CARNMT1: variants seen among roughly 807,000 people sequenced by gnomAD.
The protein encoded by CARNMT1 is protein-L-histidine N-pros-methyltransferase CARNMT1.
Under a neutral mutation model 49.6 loss-of-function variants are expected in CARNMT1, and 28 were observed. The observed-to-expected ratio is 0.56, with a 90% CI of 0.42 to 0.77. The LOEUF is 0.77. Among genes scored for constraint, CARNMT1 ranks in the 30% least tolerant of loss-of-function variants. CARNMT1 has a pLI of 0.00. For missense variants in CARNMT1, 421 were observed against 512.6 expected, an observed-to-expected ratio of 0.82 and a Z score of 1.73; for synonymous variants, 178 against 175.0, an observed-to-expected ratio of 1.02 and a Z score of -0.13.
At position 75,021,225 on chromosome 9, in the gene CARNMT1, T is replaced by C. The variant is rs144480614; in HGVS notation, c.231-3777A>G. The stretch of plus-strand genomic sequence containing the variant: ...CTATATATATACCTACTGTTCAATA[T>C]ACTATATAGAGTATATATACATAGT... On this transcript the variant is annotated intron_variant, in intron 1 of 7. Coordinates refer to ENST00000376834, the MANE Select transcript of CARNMT1 (RefSeq NM_152420.3). 4.8e-5 allele frequency among the ~76,000 whole-genome samples: 7 copies of C among 146,254 alleles called. No individual in the cohort carries two copies. In the East Asian group the frequency reaches 1.4e-3, roughly 29 times the overall value.
At chr9:75,008,487 A>C (rs1338333687) in intron 3 of CARNMT1, among the ~76,000 whole-genome samples, 2 of 152,102 alleles carry the variant, frequency 1.3e-5, no homozygotes, top group Non-Finnish European at 2.9e-5. Context: ...GCACTCCACC[A>C]CGCCCAGCTA....
At chr9:75,024,824 C>T (rs1240346481) in intron 1 of CARNMT1, among the ~76,000 whole-genome samples, 1 of 152,126 alleles carries the variant, frequency 6.6e-6, no homozygotes, top group African/African-American at 2.4e-5. Flanking sequence ...CCTGTGCAGT[C>T]GAAAACCCAC....
chr9:75,016,965 T>A (rs1230287247), intron 2 of CARNMT1: 1 of 413,364 alleles, frequency 2.4e-6, no homozygotes, highest in East Asian at 3.6e-5. Flanking sequence ...GCTAGTAAAG[T>A]TGCTTTTAAA....
At chr9:74,986,140 T>C (rs1186699226) in intron 6 of CARNMT1, among the ~76,000 whole-genome samples, 1 of 152,138 alleles carries the variant, frequency 6.6e-6, no homozygotes, top group East Asian at 1.9e-4. Context: ...TAGACAATCT[T>C]CTCTTTACCT....
chr9:75,016,483 T>TGGTTAAA (rs1564104752), intron 2 of CARNMT1, 52 bp from the exon 3 acceptor site: 2 of 1,574,548 alleles, frequency 1.3e-6, no homozygotes, highest in South Asian at 2.3e-5. Flanking sequence ...TCCACTTATA[T>TGGTTAAA]TATGGTTAAA....
chr9:75,016,299 C>A lies in CARNMT1; in HGVS notation c.559G>T (p.Glu187Ter), dbSNP rs748737629. ...RDACYQPIIK[E>*]ILKNFPKERW... ...TCTTTTGGAAAATTTTTTAAAATTT[C>A]TTTAATGATTGGCTGGTAACAGGCA... The change falls in exon 3 of 8, where the codon GAA becomes TAA. Residue 187 changes from glutamate to a stop codon, truncating the protein, a stop_gained. Coordinates refer to ENST00000376834, the MANE Select transcript of CARNMT1 (RefSeq NM_152420.3). LOFTEE classifies it high-confidence loss of function. 2 of 1,612,610 alleles carry A rather than the reference C, an allele frequency of 1.2e-6. No individual in the cohort carries two copies. Among genetic ancestry groups the A allele is most frequent in the Non-Finnish European group, 8.5e-7 (1 of 1,179,626 alleles).
chr9:75,001,332 T>C (rs1833347958), intron 3 of CARNMT1, among the ~76,000 whole-genome samples: 1 of 152,198 alleles, frequency 6.6e-6, no homozygotes, highest in Non-Finnish European at 1.5e-5. Flanking sequence ...ACAACAATTA[T>C]TTTGCTAACT....
intron 3 of CARNMT1, among the ~76,000 whole-genome samples, chr9:75,012,203 T>G (rs1246432559): frequency 6.6e-6 from 1 of 152,142 alleles, no homozygotes; most frequent in African/African-American, 2.4e-5. Context: ...TGACTGAATA[T>G]CACTTATATC....
chr9:74,989,767 A>C (rs1832959739), intron 6 of CARNMT1, among the ~76,000 whole-genome samples: 1 of 152,214 alleles, frequency 6.6e-6, no homozygotes, highest in Non-Finnish European at 1.5e-5. Context: ...TCTCATGAAC[A>C]ATCCCCAATA....
chr9:75,028,412 C>T, upstream of CARNMT1: 1 of 1,289,038 alleles, frequency 7.8e-7, no homozygotes, highest in South Asian at 2.5e-5. Flanking sequence ...TCCGCCAGGT[C>T]TTCAGGGCTC....
chr9:75,005,455 T>C (rs1410128309), intron 3 of CARNMT1, among the ~76,000 whole-genome samples: 2 of 151,434 alleles, frequency 1.3e-5, no homozygotes, highest in African/African-American at 2.4e-5. Context: ...ATTTTACACA[T>C]ATTTCATTAA....
chr9:75,014,408 G>A (rs1304546959), intron 3 of CARNMT1, among the ~76,000 whole-genome samples: 1 of 152,132 alleles, frequency 6.6e-6, no homozygotes, highest in East Asian at 1.9e-4. Context: ...AGTTGGGACT[G>A]GAATTAAGAG....
At chr9:74,990,169 G>A (rs1356768244) in intron 6 of CARNMT1, among the ~76,000 whole-genome samples, 1 of 152,174 alleles carries the variant, frequency 6.6e-6, no homozygotes, top group Non-Finnish European at 1.5e-5. Flanking sequence ...TTTCACAACT[G>A]ATAAGGTCAA....
intron 1 of CARNMT1, among the ~76,000 whole-genome samples, chr9:75,022,467 G>A (rs1359591741): frequency 6.6e-6 from 1 of 152,086 alleles, no homozygotes; most frequent in African/African-American, 2.4e-5. Flanking sequence ...GAAGTGATCT[G>A]CCAACCTTGG....
chr9:75,016,371 T>A lies in CARNMT1; in HGVS notation c.487A>T (p.Lys163Ter), dbSNP rs1240665763. Residue 163 changes from lysine (K) to a stop codon, truncating the protein, a stop_gained, in exon 3 of 8, where the codon AAA (lysine) becomes TAA (stop). Transcript: ENST00000376834. LOFTEE classifies it high-confidence loss of function. ...TCACTCCAGTCTCTCACAAACTGTT[T>A]CAGCGTGGATTTTAACTTATCCATG... ...FDMDKLKSTL[K>*]QFVRDWSETG... 6.2e-7 allele frequency: 1 copy of A among 1,614,140 alleles called. No individual in the cohort carries two copies. The highest frequency in any genetic ancestry group is 2.2e-5 in the East Asian group (1 of 44,878).
Position 74,983,587 on chromosome 9 carries a change from A to G in CARNMT1, c.*180T>C. 2.1e-6 allele frequency: 1 copy of G among 468,188 alleles called. No homozygotes were observed. Among genetic ancestry groups the G allele is most frequent in the Non-Finnish European group, 3.9e-6 (1 of 258,742 alleles). The allele number at this position is 468,188 out of a possible 1,614,324, so 29.0% of individuals were successfully genotyped here. ...AGTACAAATCTGCATGGCATAGTAT[A>G]TTTCTGAAAAAGCAATAGACATATT... On this transcript the variant is annotated 3_prime_UTR_variant, in exon 8 of 8. Coordinates refer to ENST00000376834, the MANE Select transcript of CARNMT1 (RefSeq NM_152420.3).
intron 1 of CARNMT1, among the ~76,000 whole-genome samples, chr9:75,022,362 T>G (rs1303135536): frequency 5.9e-5 from 9 of 151,846 alleles, no homozygotes; most frequent in Admixed American, 1.3e-4. Context: ...TAGCTGGGAC[T>G]ACAGGTGCAC....
intron 3 of CARNMT1, among the ~76,000 whole-genome samples, 176 bp from the exon 4 acceptor site, chr9:75,000,046 T>C (rs565818755): frequency 6.6e-5 from 10 of 152,292 alleles, no homozygotes; most frequent in African/African-American, 2.2e-4. Flanking sequence ...AAGGAATTAT[T>C]ATGTATGTTC....
intron 5 of CARNMT1, among the ~76,000 whole-genome samples, chr9:74,997,019 A>G (rs998547115): frequency 6.6e-6 from 1 of 152,154 alleles, no homozygotes; most frequent in African/African-American, 2.4e-5. Flanking sequence ...AACATCTACC[A>G]CAACTTCGAA....
Sources: gnomAD v4.1 joint callset for allele counts (sites outside exome capture counted in the v4.1 genomes callset) on GRCh38, gnomAD v4.1.1 for gene constraint, MANE v1.5 for transcripts, NCBI Gene and HGNC (gene_info 2026-07-23, HGNC 2026-07-21) for gene names.